Variants in ANKS1B observed in about 807,000 individuals in gnomAD.
ANKS1B encodes ankyrin repeat and sterile alpha motif domain-containing protein 1B.
A neutral mutation model predicts 148.3 loss-of-function variants in ANKS1B; 36 were observed. The observed-to-expected ratio is 0.24, with a 90% confidence interval of 0.19 to 0.32. The LOEUF (loss-of-function observed/expected upper bound fraction) is 0.32, where lower values mean the gene tolerates loss of function less well. ANKS1B is among the 10% of genes least tolerant of loss of function. ANKS1B has a pLI of 1.00. For missense variants in ANKS1B, 1,157 were observed against 1,542.6 expected, an observed-to-expected ratio of 0.75 and a Z score of 4.19; for synonymous variants, 542 against 560.8, an observed-to-expected ratio of 0.97 and a Z score of 0.47.
intron 8 of ANKS1B, among the ~76,000 whole-genome samples, chr12:99,727,232 T>C (rs1364627296): frequency 6.6e-6 from 1 of 152,084 alleles, no homozygotes; most frequent in Non-Finnish European, 1.5e-5. Context: ...ATTCTACATT[T>C]AGAAAACCCA....
chr12:99,079,378 G>A (rs1400829816), intron 16 of ANKS1B, among the ~76,000 whole-genome samples: 1 of 152,086 alleles, frequency 6.6e-6, no homozygotes, highest in Non-Finnish European at 1.5e-5. Flanking sequence ...GGTTCTCAGT[G>A]CCATTCAGTG....
intron 8 of ANKS1B, among the ~76,000 whole-genome samples, chr12:99,742,661 C>T (rs1026758080): frequency 2.6e-5 from 4 of 151,600 alleles, no homozygotes; most frequent in African/African-American, 7.3e-5. Context: ...GGTGAAACCC[C>T]GTCTCTACTA....
At chr12:99,944,464 C>T (rs1451016359) in intron 1 of ANKS1B, among the ~76,000 whole-genome samples, 1 of 152,168 alleles carries the variant, frequency 6.6e-6, no homozygotes, top group Non-Finnish European at 1.5e-5. Flanking sequence ...GCCACACAGA[C>T]ATGGAAGGAC....
intron 9 of ANKS1B, among the ~76,000 whole-genome samples, chr12:99,629,056 C>T (rs1258751792): frequency 2.6e-5 from 4 of 152,142 alleles, no homozygotes; most frequent in African/African-American, 7.2e-5. Flanking sequence ...TATTGAAACA[C>T]AGCTATGTCC....
chr12:99,825,304 C>A lies in ANKS1B; in HGVS notation c.215+5G>T. The A allele has an allele frequency of 6.2e-7, 1 of 1,610,742 alleles. No individual in the cohort carries two copies. The highest frequency in any genetic ancestry group is 8.5e-7 in the Non-Finnish European group (1 of 1,178,040). ...CACGATTCCGTCCAAATAAGTGGCA[C>A]TTACTTATGTCCATTTAAGGCTGCG... On this transcript the variant is annotated splice_donor_5th_base_variant and intron_variant, in intron 2 of 26. Coordinates refer to ENST00000683438, the MANE Select transcript of ANKS1B (RefSeq NM_001352186.2).
chr12:99,135,289 A>T (rs10860396), intron 15 of ANKS1B, among the ~76,000 whole-genome samples: 28,028 of 152,198 alleles, frequency 0.18, 2,817 homozygotes, highest in East Asian at 0.33. Context: ...ATGATGGAAG[A>T]AATCCAACAC....
intron 4 of ANKS1B, among the ~76,000 whole-genome samples, chr12:99,804,218 T>A (rs1300981497): frequency 6.6e-6 from 1 of 152,102 alleles, no homozygotes; most frequent in East Asian, 1.9e-4. Context: ...AAGCAGTACA[T>A]CCAGATTAGA....
intron 17 of ANKS1B, among the ~76,000 whole-genome samples, chr12:99,021,968 C>T (rs2099946073): frequency 6.6e-6 from 1 of 152,096 alleles, no homozygotes. Flanking sequence ...TGTGAACTGA[C>T]AGTGCATATG....
At chr12:99,787,559 G>A (rs2153639505) in intron 4 of ANKS1B, among the ~76,000 whole-genome samples, 1 of 152,342 alleles carries the variant, frequency 6.6e-6, no homozygotes, top group East Asian at 1.9e-4. Context: ...GAAGGACAGA[G>A]CAAAATTGCA....
chr12:99,145,375 G>C (rs1325983048), intron 15 of ANKS1B, among the ~76,000 whole-genome samples: 2 of 152,088 alleles, frequency 1.3e-5, no homozygotes, highest in Non-Finnish European at 2.9e-5. Context: ...CAGAGCTTAA[G>C]AGCAGTGAAA....
chr12:99,495,718 C>T (rs1392401807), intron 10 of ANKS1B, among the ~76,000 whole-genome samples: 1 of 152,182 alleles, frequency 6.6e-6, no homozygotes, highest in South Asian at 2.1e-4. Flanking sequence ...AAATAGTTTG[C>T]TCTCTTAAAT....
chr12:98,975,272 C>T (rs746175726), intron 17 of ANKS1B, among the ~76,000 whole-genome samples: 6 of 146,680 alleles, frequency 4.1e-5, no homozygotes, highest in Non-Finnish European at 9.1e-5. Flanking sequence ...TTCCTCCCTC[C>T]CTCCCTTCCT....
intron 14 of ANKS1B, among the ~76,000 whole-genome samples, chr12:99,177,596 T>G (rs760131816): frequency 1.3e-5 from 2 of 152,256 alleles, no homozygotes; most frequent in South Asian, 2.1e-4. Flanking sequence ...ACAGCAAGTT[T>G]ACACTTATGT....
chr12:99,934,077 T>C (rs1280635024), intron 1 of ANKS1B, among the ~76,000 whole-genome samples: 1 of 152,202 alleles, frequency 6.6e-6, no homozygotes, highest in African/African-American at 2.4e-5. Context: ...TCACAGTGAT[T>C]GATCTGTGCA....
chr12:99,428,784 T>C (rs1208338301), intron 11 of ANKS1B, among the ~76,000 whole-genome samples: 1 of 152,142 alleles, frequency 6.6e-6, no homozygotes, highest in Non-Finnish European at 1.5e-5. Context: ...TAAACTACCA[T>C]TTTATACTAA....
intron 8 of ANKS1B, among the ~76,000 whole-genome samples, chr12:99,747,411 C>T (rs928100275): frequency 2.0e-5 from 3 of 152,020 alleles, no homozygotes; most frequent in African/African-American, 7.2e-5. Flanking sequence ...TTCCTGACCA[C>T]CCCAATCCTC....
At chr12:99,851,133 G>A (rs989268434) in intron 1 of ANKS1B, among the ~76,000 whole-genome samples, 1 of 152,028 alleles carries the variant, frequency 6.6e-6, no homozygotes, top group Non-Finnish European at 1.5e-5. Flanking sequence ...AAACTGAGTT[G>A]TTGCTATTGT....
intron 15 of ANKS1B, among the ~76,000 whole-genome samples, chr12:99,150,739 G>A (rs541578327): frequency 5.3e-5 from 8 of 151,916 alleles, no homozygotes; most frequent in East Asian, 1.9e-4. Context: ...AAAAAATGTC[G>A]AAACTTAGAC....
chr12:99,436,448 G>T (rs1744826844), intron 11 of ANKS1B, among the ~76,000 whole-genome samples: 1 of 151,950 alleles, frequency 6.6e-6, no homozygotes, highest in African/African-American at 2.4e-5. Flanking sequence ...CTATCTCCTT[G>T]AAGTTCTTTT....
Sources: gnomAD v4.1 joint callset for allele counts (sites outside exome capture counted in the v4.1 genomes callset) on GRCh38, gnomAD v4.1.1 for gene constraint, MANE v1.5 for transcripts, NCBI Gene and HGNC (gene_info 2026-07-23, HGNC 2026-07-21) for gene names.